PSMB1: variants seen among roughly 807,000 people sequenced by gnomAD.
PSMB1 encodes the protein proteasome subunit beta type-1.
Under a neutral mutation model 25.4 loss-of-function variants are expected in PSMB1, and 7 were observed. The ratio of observed to expected loss-of-function variants is 0.28; its 90% CI spans 0.16 to 0.52. PSMB1 has a LOEUF of 0.52. Ranked by LOEUF, PSMB1 falls within the 20% of genes least tolerant of loss-of-function variation. The pLI is 0.97. For synonymous variants in PSMB1, 119 were observed against 115.0 expected (o/e 1.03, Z -0.22); for missense variants, 284 against 302.2 (o/e 0.94, Z 0.45).
chr6:170,544,977 TCTA>T (rs1444636007), intron 3 of PSMB1, among the ~76,000 whole-genome samples: 1 of 152,018 alleles, frequency 6.6e-6, no homozygotes, highest in African/African-American at 2.4e-5. Context: ...AAACCCCGTC[TCTA>T]CTAAAATACA....
chr6:170,538,554 C>G (rs549363309), intron 4 of PSMB1, among the ~76,000 whole-genome samples: 1 of 152,252 alleles, frequency 6.6e-6, no homozygotes, highest in East Asian at 1.9e-4. Context: ...CAAAAATTAG[C>G]TGAGCATGGT....
rs1226545774 is a variant in PSMB1 at position 170,544,228 on chromosome 6, A to T, written c.304-498T>A. ...TTACTATCTGGTCCTTTACAGAAAA[A>T]TTACGGCAATCCCTGATCAAACCTA... On this transcript the variant is annotated intron_variant, in intron 3 of 5. Coordinates refer to ENST00000262193, the MANE Select transcript of PSMB1 (RefSeq NM_002793.4). Among the ~76,000 whole-genome samples, 2 of 151,468 alleles carry T rather than the reference A, an allele frequency of 1.3e-5. 1 individual carries two copies. The highest frequency in any genetic ancestry group is 1.3e-4 in the Admixed American group (2 of 15,230).
rs139302046 is a variant in PSMB1 at position 170,537,252 on chromosome 6, C to T, written c.522G>A (p.Gln174=). ...TCATTACCTGGTTGTCAAGCAGGGG[C>T]TGTAGCATGGCACTTGCTGAGCCTC... The part of the protein sequence containing the change: ...KAGGSASAML[Q]PLLDNQVGFK... The change falls in exon 5 of 6, where the codon CAG becomes CAA. Residue 174 remains glutamine (Q), a synonymous_variant. Coordinates refer to ENST00000262193, the MANE Select transcript of PSMB1 (RefSeq NM_002793.4). 3 of 1,613,848 alleles carry T rather than the reference C, an allele frequency of 1.9e-6. No individual in the cohort carries two copies. In the African/African-American group the frequency reaches 4.0e-5, roughly 22 times the overall value.
chr6:170,547,883 A>C (rs1352895577), intron 2 of PSMB1, among the ~76,000 whole-genome samples: 3 of 138,270 alleles, frequency 2.2e-5, no homozygotes, highest in Non-Finnish European at 3.1e-5. Flanking sequence ...GTGTTTCACA[A>C]AAAAAAAAAA....
At chr6:170,538,175 A>G (rs1485064397) in intron 4 of PSMB1, among the ~76,000 whole-genome samples, 1 of 152,256 alleles carries the variant, frequency 6.6e-6, no homozygotes, top group Non-Finnish European at 1.5e-5. Flanking sequence ...AGTTTGTTAC[A>G]AAGAACACAG....
chr6:170,537,424 A>C lies in PSMB1; in HGVS notation c.434-84T>G. ...CAAAAATAAATCAGGTCAAAACGTGACACAAAACGGACTATCACCTTGGCT... is the reference window on the plus strand; with the variant it reads ...CAAAAATAAATCAGGTCAAAACGTGCCACAAAACGGACTATCACCTTGGCT... On this transcript the variant is annotated intron_variant, in intron 4 of 5. Transcript: ENST00000262193. 1.1e-5 allele frequency: 12 copies of C among 1,098,216 alleles called. No individual in the cohort carries two copies. In the South Asian group the frequency reaches 1.6e-4, roughly 15 times the overall value. The allele number at this position is 1,098,216 out of a possible 1,614,324, so 68.0% of individuals were successfully genotyped here. A position where few individuals can be genotyped will look rare whatever the true frequency, so the allele number is the denominator to read the frequency against.
intron 4 of PSMB1, among the ~76,000 whole-genome samples, chr6:170,541,907 G>A (rs984646520): frequency 2.6e-5 from 4 of 152,146 alleles, no homozygotes; most frequent in Admixed American, 2.6e-4. Context: ...TGTCTGGCCT[G>A]CTGAAATTCA....
chr6:170,549,723 C>T (rs558727732), intron 1 of PSMB1: 9 of 152,324 alleles, frequency 5.9e-5, no homozygotes, highest in Non-Finnish European at 1.2e-4. Flanking sequence ...TTTCCCGTTT[C>T]GCAGATATGA....
chr6:170,538,093 C>T (rs12207633), intron 4 of PSMB1, among the ~76,000 whole-genome samples: 15,605 of 152,190 alleles, frequency 0.1, 1,241 homozygotes, highest in African/African-American at 0.22. Flanking sequence ...GTAACTGTGG[C>T]TGGTCATCTT....
chr6:170,540,588 C>CAAAAAAAAAAAAAAAAAAAAA (rs5881872), intron 4 of PSMB1, among the ~76,000 whole-genome samples: 3 of 61,200 alleles, frequency 4.9e-5, no homozygotes, highest in African/African-American at 8.3e-5. Flanking sequence ...GAATGGACAG[C>CAAAAAAAAAAAAAAAAAAAAA]AAAAAAAAAA....
At chr6:170,544,296 A>C (rs1778790692) in intron 3 of PSMB1, among the ~76,000 whole-genome samples, 2 of 152,224 alleles carry the variant, frequency 1.3e-5, no homozygotes, top group South Asian at 4.1e-4. Context: ...CTGTGAGAAC[A>C]GAAGACACAG....
chr6:170,548,667 C>CATGAAT (rs1778853793), intron 2 of PSMB1, among the ~76,000 whole-genome samples: 1 of 152,156 alleles, frequency 6.6e-6, no homozygotes, highest in Non-Finnish European at 1.5e-5. Context: ...GCTCAGCTTT[C>CATGAAT]ATGAATGGAC....
intron 1 of PSMB1, chr6:170,549,705 A>T (rs1778867388): frequency 6.6e-6 from 1 of 152,256 alleles, no homozygotes; most frequent in Non-Finnish European, 1.5e-5. Context: ...CTGGGTTCTA[A>T]TTCTGGCTTT....
chr6:170,537,097 C>CA, intron 5 of PSMB1, 137 bp downstream of exon 5: 1 of 673,934 alleles, frequency 1.5e-6, no homozygotes. Context: ...CTGCCAAACT[C>CA]AAACAGTAAT....
chr6:170,539,472 C>T (rs1778731881), intron 4 of PSMB1, among the ~76,000 whole-genome samples: 1 of 151,880 alleles, frequency 6.6e-6, no homozygotes, highest in African/African-American at 2.4e-5. Flanking sequence ...AGGAAATGGG[C>T]AACAGTTAAT....
intron 4 of PSMB1, 110 bp from the exon 5 acceptor site, chr6:170,537,450 A>G: frequency 1.2e-6 from 1 of 800,396 alleles, no homozygotes; most frequent in Non-Finnish European, 2.0e-6. Context: ...CACCTTGGCT[A>G]AAACTTCAGG....
chr6:170,546,094 A>T lies in PSMB1; in HGVS notation c.303+9T>A. ...TTAAAATAGTGTAGAAATGTACAAAAGCATCTACCTTTAGTCTTGCTTCAA... is the reference window on the plus strand; with the variant it reads ...TTAAAATAGTGTAGAAATGTACAAATGCATCTACCTTTAGTCTTGCTTCAA... On this transcript the variant is annotated intron_variant, in intron 3 of 5. Coordinates refer to ENST00000262193, the MANE Select transcript of PSMB1 (RefSeq NM_002793.4). The T allele has an allele frequency of 6.2e-7, 1 of 1,607,976 alleles. No individual in the cohort carries two copies. The highest frequency in any genetic ancestry group is 8.5e-7 in the Non-Finnish European group (1 of 1,175,132).
intron 4 of PSMB1, among the ~76,000 whole-genome samples, chr6:170,540,303 C>T (rs4314481): frequency 0.064 from 9,746 of 152,072 alleles, 1,072 homozygotes; most frequent in African/African-American, 0.22. Context: ...GGACCAGGCT[C>T]TAGAGTGGCA....
At chr6:170,542,300 G>C (rs1003473106) in intron 4 of PSMB1, among the ~76,000 whole-genome samples, 12 of 152,176 alleles carry the variant, frequency 7.9e-5, no homozygotes, top group Non-Finnish European at 1.6e-4. Flanking sequence ...AGCGATAGGA[G>C]TCAACAACCG....
Sources: allele counts gnomAD v4.1 joint callset (sites outside exome capture counted in the v4.1 genomes callset), GRCh38; gene constraint gnomAD v4.1.1; transcripts MANE v1.5; gene names NCBI Gene and HGNC (gene_info 2026-07-23, HGNC 2026-07-21).